The following TRIM44 variants were observed in gnomAD, a reference collection of about 807,000 sequenced individuals.
TRIM44 encodes tripartite motif-containing protein 44.
In TRIM44, 13 loss-of-function variants were observed where a neutral mutation model predicts 37.4. That is an observed-to-expected ratio of 0.35 (90% CI 0.23 to 0.55). The LOEUF (loss-of-function observed/expected upper bound fraction) is 0.55. TRIM44 is among the 20% of genes least tolerant of loss of function. TRIM44 has a pLI of 0.89. For missense variants in TRIM44, 426 were observed against 437.2 expected (o/e 0.97, Z 0.23); for synonymous variants, 175 against 157.2 (o/e 1.11, Z -0.85).
intron 4 of TRIM44, among the ~76,000 whole-genome samples, chr11:35,738,985 T>A (rs1347953265): frequency 6.6e-6 from 1 of 152,188 alleles, no homozygotes; most frequent in East Asian, 1.9e-4. Flanking sequence ...GAAACATATT[T>A]GTCTATAATG....
intron 4 of TRIM44, among the ~76,000 whole-genome samples, chr11:35,752,799 TTC>T (rs1564999096): frequency 2.0e-5 from 3 of 152,224 alleles, no homozygotes; most frequent in African/African-American, 7.2e-5. Flanking sequence ...ACATGACTCG[TTC>T]TCTCGCTTCA....
chr11:35,770,616 G>C (rs1178203956), intron 4 of TRIM44, among the ~76,000 whole-genome samples: 2 of 152,082 alleles, frequency 1.3e-5, no homozygotes, highest in Admixed American at 1.3e-4. Context: ...TCTCATTGTG[G>C]TTTTGACTTG....
chr11:35,764,358 T>G (rs1852765579), intron 4 of TRIM44, among the ~76,000 whole-genome samples: 1 of 152,226 alleles, frequency 6.6e-6, no homozygotes, highest in Non-Finnish European at 1.5e-5. Flanking sequence ...CAGACAGGTC[T>G]TTCTTTCAAC....
chr11:35,733,046 A>G (rs995280678), intron 3 of TRIM44, among the ~76,000 whole-genome samples: 8 of 152,168 alleles, frequency 5.3e-5, no homozygotes, highest in Non-Finnish European at 1.0e-4. Context: ...AATGGCTACT[A>G]TTTGTTGAAC....
intron 3 of TRIM44, among the ~76,000 whole-genome samples, chr11:35,734,583 A>G (rs1852306732): frequency 6.6e-6 from 1 of 152,340 alleles, no homozygotes; most frequent in East Asian, 1.9e-4. Context: ...AAAGAAGGAT[A>G]TAAAAGATAC....
intron 3 of TRIM44, among the ~76,000 whole-genome samples, chr11:35,726,367 ATTACT>A (rs553329990): frequency 1.4e-3 from 212 of 152,304 alleles, no homozygotes; most frequent in Middle Eastern, 3.4e-3. Flanking sequence ...TTTATCCATC[ATTACT>A]TTAAGGAGTA....
rs1853597241 is a variant in TRIM44 at position 35,817,877 on chromosome 11, CT to C, written c.*11493del. On this transcript the variant is annotated 3_prime_UTR_variant, in exon 5 of 5. Coordinates refer to ENST00000299413, the MANE Select transcript of TRIM44 (RefSeq NM_017583.6). ...CCTTCTGCTCTGGCCATGTAAAGTG[CT>C]CACTCCCCCTTTGCCTTCCACCATG... The C allele has an allele frequency of 6.6e-6, 1 of 152,164 alleles. No homozygotes were observed. Among genetic ancestry groups the C allele is most frequent in the Non-Finnish European group, 1.5e-5 (1 of 68,040 alleles). 9.4% of individuals were successfully genotyped at this position (152,164 alleles called of 1,614,324 possible).
intron 3 of TRIM44, among the ~76,000 whole-genome samples, chr11:35,731,511 T>G (rs1852259323): frequency 1.3e-5 from 2 of 152,214 alleles, no homozygotes; most frequent in Non-Finnish European, 2.9e-5. Context: ...TCATAAGGCA[T>G]ATTGGTTTAT....
At chr11:35,804,324 C>G (rs1190906215) in intron 4 of TRIM44, among the ~76,000 whole-genome samples, 1 of 152,070 alleles carries the variant, frequency 6.6e-6, no homozygotes, top group African/African-American at 2.4e-5. Flanking sequence ...ACCTGGCAAC[C>G]AAAAAGAGTT....
rs1037512037 is a variant in TRIM44, at chr11:35,665,600, T to G, written c.669+1820T>G. Among the ~76,000 whole-genome samples the G allele has an allele frequency of 8.1e-3, 1,116 of 137,886 alleles. 6 individuals are homozygous for G. The highest frequency in any genetic ancestry group is 0.019 in the African/African-American group (675 of 36,472). The allele number at this position is 137,886 out of a possible 152,430, so 90.5% of individuals were successfully genotyped here. ...TTTATATATCTGTTTTTTTTTTTTT[T>G]TTTTTTTTTTTTGAGATAGAGTCTT... On this transcript the variant is annotated intron_variant, in intron 1 of 4. Coordinates refer to ENST00000299413, the MANE Select transcript of TRIM44 (RefSeq NM_017583.6).
chr11:35,710,008 C>G (rs1189956630), intron 2 of TRIM44, among the ~76,000 whole-genome samples: 1 of 152,152 alleles, frequency 6.6e-6, no homozygotes, highest in East Asian at 1.9e-4. Context: ...GGTACAGAAA[C>G]AGCTGGATTC....
At chr11:35,748,674 A>G (rs1327550566) in intron 4 of TRIM44, among the ~76,000 whole-genome samples, 1 of 152,224 alleles carries the variant, frequency 6.6e-6, no homozygotes, top group African/African-American at 2.4e-5. Context: ...AATAAAAAGG[A>G]AAATATTTTT....
chr11:35,691,847 G>C (rs997592617), intron 2 of TRIM44, among the ~76,000 whole-genome samples: 3 of 152,062 alleles, frequency 2.0e-5, no homozygotes, highest in Non-Finnish European at 4.4e-5. Flanking sequence ...GGGTTTCACT[G>C]TGTTAGCCAG....
chr11:35,710,900 A>G (rs1257554006), intron 2 of TRIM44, among the ~76,000 whole-genome samples: 4 of 152,196 alleles, frequency 2.6e-5, no homozygotes, highest in Non-Finnish European at 2.9e-5. Context: ...TTGGGATAGC[A>G]TATCTTGAAC....
chr11:35,761,115 T>C (rs1852719287), intron 4 of TRIM44, among the ~76,000 whole-genome samples: 1 of 152,244 alleles, frequency 6.6e-6, no homozygotes, highest in Non-Finnish European at 1.5e-5. Context: ...TTGTTGCAAA[T>C]GGCAGGATTT....
Position 35,755,936 on chromosome 11 carries a change from C to T in TRIM44, c.1007+20491C>T, listed in dbSNP as rs1245122442. ...TGTAGTATAGTTTGAAGTCAGGTAG[C>T]GTGATGCCTCCAGCTTTGTTCTTTT... On this transcript the variant is annotated intron_variant, in intron 4 of 4. Coordinates refer to ENST00000299413, the MANE Select transcript of TRIM44 (RefSeq NM_017583.6). 5.0e-3 allele frequency among the ~76,000 whole-genome samples: 764 copies of T among 151,834 alleles called. 21 individuals carry two copies. Among genetic ancestry groups the T allele is most frequent in the Admixed American group, 0.047 (715 of 15,266 alleles).
At position 35,813,871 on chromosome 11, in the gene TRIM44, A is replaced by G. The variant is rs1336201255; in HGVS notation, c.*7486A>G. On this transcript the variant is annotated 3_prime_UTR_variant, in exon 5 of 5. Transcript: ENST00000299413. ...GTGTATATCCCCCTAGCTGACTTTT[A>G]TTGTTTCATGAGCCTCTGGTGTTCA... The G allele has an allele frequency of 6.6e-6, 1 of 152,106 alleles. No individual in the cohort carries two copies. Among genetic ancestry groups the G allele is most frequent in the Non-Finnish European group, 1.5e-5 (1 of 68,008 alleles). 9.4% of individuals were successfully genotyped at this position (152,106 alleles called of 1,614,324 possible).
rs1163248972 is a variant in TRIM44, at chr11:35,663,798, A to C, written c.669+18A>C. On this transcript the variant is annotated intron_variant, in intron 1 of 4. Transcript: ENST00000299413. ...AATTAAGAGTAAGTATTGGGCCTTCAGAGCATAAACCTAGGGGTCAGGACA... is the reference window on the plus strand; with the variant it reads ...AATTAAGAGTAAGTATTGGGCCTTCCGAGCATAAACCTAGGGGTCAGGACA... 4 of 1,605,740 alleles carry C rather than the reference A, an allele frequency of 2.5e-6. No individual in the cohort carries two copies. The highest frequency in any genetic ancestry group is 3.4e-6 in the Non-Finnish European group (4 of 1,176,312).
At chr11:35,762,783 G>A (rs575418268) in intron 4 of TRIM44, among the ~76,000 whole-genome samples, 3 of 152,160 alleles carry the variant, frequency 2.0e-5, no homozygotes, top group African/African-American at 7.2e-5. Flanking sequence ...CCACCTGCTA[G>A]CTATATAACT....
Sources: gnomAD v4.1 joint callset for allele counts (sites outside exome capture counted in the v4.1 genomes callset) on GRCh38, gnomAD v4.1.1 for gene constraint, MANE v1.5 for transcripts, NCBI Gene and HGNC (gene_info 2026-07-23, HGNC 2026-07-21) for gene names.